Variants in ZNF782 observed in about 807,000 individuals in gnomAD.
ZNF782 encodes the protein zinc finger protein 782.
ZNF782 carries 12 observed loss-of-function variants against 13.0 expected under a neutral mutation model. That is an observed-to-expected ratio of 0.92 (90% confidence interval 0.59 to 1.50). The LOEUF (loss-of-function observed/expected upper bound fraction) is 1.50, where lower values mean the gene tolerates loss of function less well. ZNF782 is among the 40% of genes most tolerant of loss of function. ZNF782 has a pLI of 0.00. For missense variants in ZNF782, 770 were observed against 822.9 expected (o/e 0.94, Z 0.79); for synonymous variants, 284 against 283.0 (o/e 1.00, Z -0.04).
intron 3 of ZNF782, among the ~76,000 whole-genome samples, chr9:96,848,471 G>A (rs1253906498): frequency 6.6e-6 from 1 of 152,082 alleles, no homozygotes; most frequent in Non-Finnish European, 1.5e-5. Context: ...AAGTCTCAGG[G>A]TACAAAATCA....
intron 5 of ZNF782, among the ~76,000 whole-genome samples, chr9:96,824,138 T>C (rs1850519684): frequency 6.6e-6 from 1 of 150,752 alleles, no homozygotes; most frequent in Non-Finnish European, 1.5e-5. Flanking sequence ...TGATGAACAT[T>C]GATGCAAAAA....
In ZNF782 at chr9:96,854,101, G is replaced by T. The variant is rs1588171948; in HGVS notation, c.-275C>A. ...GATGGAACTTACCCGGGTTTTTCCAGCTCCAGAGCTCGGGGTCTCGATGCA... is the reference window on the plus strand; with the variant it reads ...GATGGAACTTACCCGGGTTTTTCCATCTCCAGAGCTCGGGGTCTCGATGCA... On this transcript the variant is annotated 5_prime_UTR_variant, in exon 1 of 6. It adds an upstream start codon to the 5' untranslated region. Transcript: ENST00000481138. 6.6e-6 allele frequency: 1 copy of T among 152,310 alleles called. No individual in the cohort carries two copies. The highest frequency in any genetic ancestry group is 6.5e-5 in the Admixed American group (1 of 15,300). 9.4% of individuals were successfully genotyped at this position (152,310 alleles called of 1,614,324 possible). A position where few individuals can be genotyped will look rare whatever the true frequency, so the allele number is the denominator to read the frequency against.
intron 1 of ZNF782, among the ~76,000 whole-genome samples, chr9:96,869,707 G>A (rs530149827): frequency 1.3e-4 from 20 of 152,210 alleles, no homozygotes; most frequent in African/African-American, 3.4e-4. Context: ...AGGCATTTTC[G>A]GTAGTAGCTG....
intron 1 of ZNF782, among the ~76,000 whole-genome samples, chr9:96,874,415 G>A (rs74840957): frequency 0.02 from 3,077 of 152,280 alleles, 65 homozygotes; most frequent in South Asian, 0.035. Context: ...TCTTTCAAGA[G>A]TGGGAGTTGT....
At chr9:96,913,693 T>G in the ZNF782 span, among the ~76,000 whole-genome samples, 29 of 151,900 alleles carry the variant, frequency 1.9e-4, no homozygotes, top group East Asian at 4.1e-3. Context: ...TAGCTAATTT[T>G]TGTAATTTTT....
the ZNF782 span, chr9:96,892,101 G>C: frequency 6.6e-6 from 1 of 152,202 alleles, no homozygotes; most frequent in Non-Finnish European, 1.5e-5. Context: ...CAAGTGTTCT[G>C]ATTCTGAGCA....
chr9:96,911,505 TTTTTGTTTTTG>T, the ZNF782 span, among the ~76,000 whole-genome samples: 3 of 148,218 alleles, frequency 2.0e-5, no homozygotes, highest in East Asian at 4.4e-4. Context: ...ACAAGTTTTT[TTTTTGTTTTTG>T]TTTTGTTTTG....
upstream of ZNF782, among the ~76,000 whole-genome samples, chr9:96,877,196 G>C (rs1269787401): frequency 6.6e-6 from 1 of 152,164 alleles, no homozygotes; most frequent in Non-Finnish European, 1.5e-5. Context: ...TCTTCCGTGA[G>C]ATGATAAATT....
chr9:96,827,792 A>T (rs1035445789), intron 4 of ZNF782, among the ~76,000 whole-genome samples: 2 of 152,220 alleles, frequency 1.3e-5, no homozygotes, highest in Admixed American at 6.5e-5. Flanking sequence ...AAACCAAACA[A>T]AATATAAAAA....
Position 96,819,045 on chromosome 9 carries a change from T to G in ZNF782, c.978A>C (p.Pro326=). ...GKSFNRNSTL[P]VHQRTHATDK... is the part of the protein sequence containing the mutation. ...CTGTTGCATGAGTTCTCTGATGCAC[T>G]GGGAGGGTTGAATTACGGTTGAAAC... Residue 326 remains proline (P), a synonymous_variant, in exon 6 of 6, where the codon CCA becomes CCC. Transcript: ENST00000481138. The G allele has an allele frequency of 6.2e-7, 1 of 1,614,222 alleles. No homozygotes were observed. Among genetic ancestry groups the G allele is most frequent in the Non-Finnish European group, 8.5e-7 (1 of 1,180,034 alleles).
the ZNF782 span, chr9:96,891,318 T>C: frequency 6.6e-6 from 1 of 152,212 alleles, no homozygotes; most frequent in African/African-American, 2.4e-5. Flanking sequence ...AAAATTTTTG[T>C]TTTGCAGACA....
At chr9:96,841,957 T>C (rs961885061) in intron 4 of ZNF782, among the ~76,000 whole-genome samples, 117 of 152,078 alleles carry the variant, frequency 7.7e-4, no homozygotes, top group African/African-American at 2.7e-3. Context: ...TGTTAAAAAA[T>C]GCCAAGGAAT....
the ZNF782 span, chr9:96,889,771 T>C: frequency 2.0e-5 from 3 of 152,002 alleles, no homozygotes; most frequent in Middle Eastern, 3.4e-3. Context: ...TATATATGTA[T>C]GTGTGTGTGT....
the ZNF782 span, among the ~76,000 whole-genome samples, chr9:96,930,836 C>G: frequency 7.4e-6 from 1 of 134,842 alleles, no homozygotes; most frequent in Non-Finnish European, 1.5e-5. Context: ...CTTCAGGGTT[C>G]CTAGGGCGCT....
At chr9:96,903,275 T>C in the ZNF782 span, among the ~76,000 whole-genome samples, 1 of 151,980 alleles carries the variant, frequency 6.6e-6, no homozygotes, top group Admixed American at 6.5e-5. Context: ...TTGCATCTTT[T>C]TGAGGTTGTC....
intron 4 of ZNF782, among the ~76,000 whole-genome samples, chr9:96,833,271 T>C (rs1208245152): frequency 6.6e-6 from 1 of 152,218 alleles, no homozygotes; most frequent in East Asian, 1.9e-4. Context: ...ATAATACTGA[T>C]ACATTATGAA....
chr9:96,836,781 T>C (rs1032345044), intron 4 of ZNF782, among the ~76,000 whole-genome samples: 2 of 152,120 alleles, frequency 1.3e-5, no homozygotes, highest in Non-Finnish European at 2.9e-5. Context: ...CATGAACAGA[T>C]TAATGCCCTC....
intron 4 of ZNF782, among the ~76,000 whole-genome samples, chr9:96,843,395 T>G (rs1851246299): frequency 6.6e-6 from 1 of 152,190 alleles, no homozygotes; most frequent in African/African-American, 2.4e-5. Context: ...CTCAAGAGCA[T>G]TACGCTGAGT....
At chr9:96,913,631 C>G in the ZNF782 span, among the ~76,000 whole-genome samples, 15 of 150,992 alleles carry the variant, frequency 9.9e-5, no homozygotes, top group Non-Finnish European at 2.9e-5. Context: ...TCAAGCAATT[C>G]TCCTGCCTCC....
Sources: allele counts gnomAD v4.1 joint callset (sites outside exome capture counted in the v4.1 genomes callset), GRCh38; gene constraint gnomAD v4.1.1; transcripts MANE v1.5; gene names NCBI Gene and HGNC (gene_info 2026-07-23, HGNC 2026-07-21).